The following DOCK2 variants were observed in gnomAD, a reference collection of about 807,000 sequenced individuals.
DOCK2 encodes dedicator of cytokinesis 2.
In DOCK2, 87 loss-of-function variants were observed where a neutral mutation model predicts 248.9. The ratio of observed to expected loss-of-function variants is 0.35; its 90% CI spans 0.29 to 0.42. The LOEUF is 0.42. Among genes scored for constraint, DOCK2 ranks in the 10% least tolerant of loss-of-function variants. The pLI is 1.00. For missense variants in DOCK2, 1,747 were observed against 2,300.2 expected, an observed-to-expected ratio of 0.76 and a Z score of 4.92; for synonymous variants, 805 against 821.6, an observed-to-expected ratio of 0.98 and a Z score of 0.35.
intron 22 of DOCK2, among the ~76,000 whole-genome samples, chr5:169,739,353 T>G (rs1250356880): frequency 6.6e-6 from 1 of 152,220 alleles, no homozygotes; most frequent in Non-Finnish European, 1.5e-5. Flanking sequence ...TTCAGTTAGA[T>G]TCTCCAGCCC....
chr5:169,638,771 T>A (rs1756990219), intron 1 of DOCK2, among the ~76,000 whole-genome samples: 1 of 152,194 alleles, frequency 6.6e-6, no homozygotes, highest in African/African-American at 2.4e-5. Flanking sequence ...TCTGTCTGAC[T>A]TCAGAACCCC....
At chr5:169,837,580 C>A (rs770167634) in intron 26 of DOCK2, among the ~76,000 whole-genome samples, 2 of 152,176 alleles carry the variant, frequency 1.3e-5, no homozygotes, top group Non-Finnish European at 2.9e-5. Flanking sequence ...TGAGGGCTTA[C>A]TATATACCAA....
At chr5:169,864,337 G>A (rs545199931) in intron 27 of DOCK2, 28 of 1,551,576 alleles carry the variant, frequency 1.8e-5, no homozygotes, top group African/African-American at 1.1e-4. Flanking sequence ...CTGCTTTTCC[G>A]GGGCTGGGGG....
chr5:169,933,676 C>T (rs777048303), intron 27 of DOCK2, among the ~76,000 whole-genome samples: 8 of 152,130 alleles, frequency 5.3e-5, no homozygotes, highest in Non-Finnish European at 8.8e-5. Flanking sequence ...CCTTACTGGC[C>T]GCACTAAGAG....
At chr5:169,766,186 A>G (rs1764779596) in intron 25 of DOCK2, among the ~76,000 whole-genome samples, 1 of 152,016 alleles carries the variant, frequency 6.6e-6, no homozygotes, top group South Asian at 2.1e-4. Flanking sequence ...ATACGCATAG[A>G]CCTGATAGGC....
At chr5:170,033,354 A>G (rs934908615) in intron 34 of DOCK2, among the ~76,000 whole-genome samples, 6 of 152,180 alleles carry the variant, frequency 3.9e-5, no homozygotes, top group Non-Finnish European at 8.8e-5. Flanking sequence ...TAGAATATAA[A>G]TACTAAAACA....
At chr5:169,700,939 A>AGG (rs1760933490) in intron 13 of DOCK2, among the ~76,000 whole-genome samples, 1 of 109,914 alleles carries the variant, frequency 9.1e-6, no homozygotes, top group Non-Finnish European at 2.1e-5. Context: ...AAGAAAAAGA[A>AGG]GGAGAGAAAG....
intron 27 of DOCK2, 51 bp downstream of exon 27, chr5:169,840,903 A>T: frequency 6.3e-7 from 1 of 1,581,822 alleles, no homozygotes; most frequent in Non-Finnish European, 8.6e-7. Context: ...TCAGCATCTA[A>T]AAATGGATTT....
At position 169,637,624 on chromosome 5, in the gene DOCK2, G is replaced by C. The variant is rs995771019; in HGVS notation, c.43+255G>C. ...GGAACCTTAGACATTTCCGAGATAG[G>C]GTCAAGACCTGCGCTTGACAACTCA... On this transcript the variant is annotated intron_variant, in intron 1 of 51. Coordinates refer to ENST00000520908, the MANE Select transcript of DOCK2 (RefSeq NM_004946.3). 1.5e-4 allele frequency among the ~76,000 whole-genome samples: 23 copies of C among 152,284 alleles called. No individual in the cohort carries two copies. The East Asian group carries it at 4.5e-3, about 29-fold the overall frequency.
At chr5:169,775,972 A>G (rs1765360653) in intron 25 of DOCK2, among the ~76,000 whole-genome samples, 1 of 151,692 alleles carries the variant, frequency 6.6e-6, no homozygotes, top group Non-Finnish European at 1.5e-5. Context: ...TGGCCCAGAG[A>G]TGGGAAAAAT....
intron 1 of DOCK2, among the ~76,000 whole-genome samples, chr5:169,645,401 G>A (rs191545561): frequency 1.3e-5 from 2 of 152,138 alleles, no homozygotes; most frequent in Admixed American, 1.3e-4. Context: ...TTTCATGTTT[G>A]TTGGCCACAT....
chr5:169,988,948 T>C lies in DOCK2; in HGVS notation c.2993+3026T>C, dbSNP rs114447026. Among the ~76,000 whole-genome samples, 388 of 152,334 alleles carry C rather than the reference T, an allele frequency of 2.5e-3. 4 individuals carry two copies. The highest frequency in any genetic ancestry group is 8.9e-3 in the African/African-American group (372 of 41,582). Reference sequence around the variant, plus strand: ...TTCTTTTCTCCAAAAAGGTGCAACTTATTCATGTGGTCAGGGCCAACTTCA... The same window carrying C: ...TTCTTTTCTCCAAAAAGGTGCAACTCATTCATGTGGTCAGGGCCAACTTCA... On this transcript the variant is annotated intron_variant, in intron 29 of 51. Transcript: ENST00000520908.
chr5:169,956,793 T>C (rs1776884185), intron 27 of DOCK2, among the ~76,000 whole-genome samples: 1 of 152,174 alleles, frequency 6.6e-6, no homozygotes, highest in South Asian at 2.1e-4. Context: ...ATGTAATCTT[T>C]CTCAGAGGCA....
chr5:169,918,357 C>T (rs755460910), intron 27 of DOCK2, among the ~76,000 whole-genome samples: 5 of 152,128 alleles, frequency 3.3e-5, no homozygotes, highest in African/African-American at 9.7e-5. Context: ...CAGTATCTAA[C>T]CTAGAAAATT....
intron 32 of DOCK2, among the ~76,000 whole-genome samples, chr5:170,013,565 G>A (rs150112999): frequency 6.6e-6 from 1 of 152,054 alleles, no homozygotes; most frequent in Non-Finnish European, 1.5e-5. Flanking sequence ...ATGAACCAAG[G>A]AATGCAGGGA....
At chr5:169,809,398 C>T (rs1372961368) in intron 26 of DOCK2, among the ~76,000 whole-genome samples, 1 of 152,226 alleles carries the variant, frequency 6.6e-6, no homozygotes, top group African/African-American at 2.4e-5. Flanking sequence ...TCATCTTTCT[C>T]TGCAGGTAGA....
rs181479183 is a variant in DOCK2, at chr5:170,027,919, C to T, written c.3438C>T (p.Asp1146=). ...LDHEVEGGRG[D]EQYMQLLESI... Reference sequence around the variant, plus strand: ...ACGAGGTAGAAGGGGGCCGAGGCGACGAGCAGTACATGCAGCTCCTGGAGT... The same window carrying T: ...ACGAGGTAGAAGGGGGCCGAGGCGATGAGCAGTACATGCAGCTCCTGGAGT... The change falls in exon 34 of 52, where the codon GAC becomes GAT. Residue 1146 remains aspartate, a synonymous_variant. Coordinates refer to ENST00000520908, the MANE Select transcript of DOCK2 (RefSeq NM_004946.3). 5.2e-5 allele frequency: 84 copies of T among 1,613,290 alleles called. No individual in the cohort carries two copies. The East Asian group carries it at 1.3e-3, about 26-fold the overall frequency.
chr5:169,714,467 G>A lies in DOCK2; in HGVS notation c.1941+10G>A. The A allele has an allele frequency of 6.2e-7, 1 of 1,613,348 alleles. No homozygotes were observed. The highest frequency in any genetic ancestry group is 8.5e-7 in the Non-Finnish European group (1 of 1,179,486). On this transcript the variant is annotated intron_variant, in intron 19 of 51. Coordinates refer to ENST00000520908, the MANE Select transcript of DOCK2 (RefSeq NM_004946.3). The stretch of plus-strand genomic sequence containing the variant: ...AGAGGAAGTGGTGAAGGTCAGTGGG[G>A]CTTCATTTTGATTGTATTCTTACAC...
chr5:169,953,381 C>G (rs1221828495), intron 27 of DOCK2, among the ~76,000 whole-genome samples: 1 of 150,360 alleles, frequency 6.7e-6, no homozygotes, highest in Non-Finnish European at 1.5e-5. Context: ...TAGAATAAGA[C>G]TGGAGTGTGA....
Sources: gnomAD v4.1 joint callset for allele counts (sites outside exome capture counted in the v4.1 genomes callset) on GRCh38, gnomAD v4.1.1 for gene constraint, MANE v1.5 for transcripts, NCBI Gene and HGNC (gene_info 2026-07-23, HGNC 2026-07-21) for gene names.